The following PLA2G3 variants were observed in gnomAD, a reference collection of about 807,000 sequenced individuals.
PLA2G3 encodes the protein phospholipase A2 group III.
A neutral mutation model predicts 51.3 loss-of-function variants in PLA2G3; 39 were observed. The observed-to-expected ratio is 0.76, with a 90% CI of 0.59 to 0.99. The LOEUF (loss-of-function observed/expected upper bound fraction) is 0.99, where lower values mean the gene tolerates loss of function less well. Ranked by LOEUF, PLA2G3 falls within the 50% of genes least tolerant of loss-of-function variation. PLA2G3 has a pLI of 0.00. For synonymous variants in PLA2G3, 293 were observed against 263.1 expected (o/e 1.11, Z -1.10); for missense variants, 677 against 662.1 (o/e 1.02, Z -0.25).
rs906094593 is a variant in PLA2G3 at position 31,140,367 on chromosome 22, C to T, written c.-13G>A. ...CCTGAACCCCCATTCTGCACTGGCCCAGTCCAGTCAGACAAAGCCCCTGGG... is the reference window on the plus strand; with the variant it reads ...CCTGAACCCCCATTCTGCACTGGCCTAGTCCAGTCAGACAAAGCCCCTGGG... On this transcript the variant is annotated 5_prime_UTR_variant, in exon 1 of 7. Transcript: ENST00000215885. 10 of 1,557,228 alleles carry T rather than the reference C, an allele frequency of 6.4e-6. No homozygotes were observed. Among genetic ancestry groups the T allele is most frequent in the African/African-American group, 1.4e-5 (1 of 73,554 alleles).
In PLA2G3 at chr22:31,135,775, A is replaced by G. The variant is rs1179394391; in HGVS notation, c.1478T>C (p.Leu493Pro). 5 of 1,613,902 alleles carry G rather than the reference A, an allele frequency of 3.1e-6. No homozygotes were observed. The highest frequency in any genetic ancestry group is 3.4e-6 in the Non-Finnish European group (4 of 1,180,006). ...PMSFYNQCLQ[L>P]TQAARRPDRQ... ...GTCGGGTCTCCTGGCTGCCTGGGTT[A>G]GCTGCAGGCACTGGTTGTAGAATGA... The change falls in exon 7 of 7, where the codon CTA (leucine) becomes CCA (proline). Residue 493 changes from leucine to proline, a missense_variant. Physicochemically the swap from Leu to Pro is moderately conservative, Grantham distance 98. Coordinates refer to ENST00000215885, the MANE Select transcript of PLA2G3 (RefSeq NM_015715.5).
rs760555238 is a variant in PLA2G3, at chr22:31,135,801, C to A, written c.1452G>T (p.Met484Ile). The part of the protein sequence containing the change: ...PWPSEPLRGP[M>I]SFYNQCLQLT... ...GCTGCAGGCACTGGTTGTAGAATGA[C>A]ATGGGGCCTCTCAGGGGCTCTGAAG... Residue 484 changes from methionine (M) to isoleucine (I), a missense_variant, in exon 7 of 7, where the codon ATG becomes ATT. By Grantham distance (10) the Met-to-Ile change is conservative. Coordinates refer to ENST00000215885, the MANE Select transcript of PLA2G3 (RefSeq NM_015715.5). The A allele has an allele frequency of 6.2e-7, 1 of 1,613,940 alleles. No homozygotes were observed. The highest frequency in any genetic ancestry group is 1.3e-5 in the African/African-American group (1 of 74,962).
rs746415508 is a variant in PLA2G3 at position 31,137,593 on chromosome 22, T to C, written c.1066+117A>G. ...CTGCAGTGTGATTTCATGGGAGAGG[T>C]TGGGAAATCCCAGGAGGAAACTGGT... On this transcript the variant is annotated intron_variant, in intron 4 of 6. Transcript: ENST00000215885. 6 of 940,254 alleles carry C rather than the reference T, an allele frequency of 6.4e-6. No homozygotes were observed. In the East Asian group the frequency reaches 1.2e-4, roughly 19 times the overall value. The allele number at this position is 940,254 out of a possible 1,614,324, so 58.2% of individuals were successfully genotyped here.
At position 31,137,961 on chromosome 22, in the gene PLA2G3, C is replaced by A; in HGVS notation, c.815G>T (p.Arg272Leu). ...CRMYGTVPLA[R>L]LQPRTFYNAS... ...ATTGTAGAAGGTCCTGGGCTGCAGGCGAGCGAGGGGCACTGTGCCGTACAT... is the reference window on the plus strand; with the variant it reads ...ATTGTAGAAGGTCCTGGGCTGCAGGAGAGCGAGGGGCACTGTGCCGTACAT... The change falls in exon 4 of 7, where the codon CGC (arginine) becomes CTC (leucine). Residue 272 changes from arginine to leucine, a missense_variant. By Grantham distance (102) the Arg-to-Leu change is moderately radical. Coordinates refer to ENST00000215885, the MANE Select transcript of PLA2G3 (RefSeq NM_015715.5). 1 of 1,592,958 alleles carries A rather than the reference C, an allele frequency of 6.3e-7. No individual in the cohort carries two copies. The highest frequency in any genetic ancestry group is 8.5e-7 in the Non-Finnish European group (1 of 1,170,870).
intron 1 of PLA2G3, among the ~76,000 whole-genome samples, chr22:31,139,146 T>C (rs540837220): frequency 6.6e-6 from 1 of 152,180 alleles, no homozygotes; most frequent in Non-Finnish European, 1.5e-5. Context: ...GTGTGTATGA[T>C]GGAATGGCAA....
chr22:31,137,618 T>C (rs1284366747), intron 4 of PLA2G3, 92 bp downstream of exon 4: 16 of 1,154,100 alleles, frequency 1.4e-5, no homozygotes, highest in Admixed American at 4.6e-5. Context: ...AGGAAACTGG[T>C]GCAGGAAAAG....
At chr22:31,137,221 C>T (rs1922628182) in intron 4 of PLA2G3, among the ~76,000 whole-genome samples, 181 bp from the exon 5 acceptor site, 1 of 152,214 alleles carries the variant, frequency 6.6e-6, no homozygotes, top group South Asian at 2.1e-4. Context: ...GCCTCCCTAC[C>T]CCCAAGCCGC....
In PLA2G3 at chr22:31,135,953, G is replaced by A. The variant is rs779159207; in HGVS notation, c.1317-17C>T. On this transcript the variant is annotated splice_polypyrimidine_tract_variant and intron_variant, in intron 6 of 6. Transcript: ENST00000215885. ...CTGGAACAGCTGTAAGGAGAGAAGA[G>A]TGGGGCAGATGATCAGGGCTGACAA... is the stretch of plus-strand genomic sequence containing the variant. The A allele has an allele frequency of 1.9e-6, 3 of 1,601,498 alleles. No individual in the cohort carries two copies. Among genetic ancestry groups the A allele is most frequent in the Admixed American group, 3.3e-5 (2 of 59,984 alleles).
Position 31,135,946 on chromosome 22 carries a change from G to A in PLA2G3, c.1317-10C>T, listed in dbSNP as rs754376466. The stretch of plus-strand genomic sequence containing the variant: ...AGGGTCTCTGGAACAGCTGTAAGGA[G>A]AGAAGAGTGGGGCAGATGATCAGGG... On this transcript the variant is annotated splice_polypyrimidine_tract_variant and intron_variant, in intron 6 of 6. Coordinates refer to ENST00000215885, the MANE Select transcript of PLA2G3 (RefSeq NM_015715.5). 3.7e-6 allele frequency: 6 copies of A among 1,607,268 alleles called. No individual in the cohort carries two copies. The Admixed American group carries it at 1.0e-4, about 27-fold the overall frequency.
At position 31,138,805 on chromosome 22, in the gene PLA2G3, G is replaced by C. The variant is rs1407278030; in HGVS notation, c.515-6C>G. ...ATCAGGTCCCTGGAAGACCCCTGCA[G>C]GGAGGGGAGGGGAGAGGGCACCAAC... is the stretch of plus-strand genomic sequence containing the variant. On this transcript the variant is annotated splice_region_variant and splice_polypyrimidine_tract_variant and intron_variant, in intron 1 of 6. Coordinates refer to ENST00000215885, the MANE Select transcript of PLA2G3 (RefSeq NM_015715.5). The C allele has an allele frequency of 1.2e-6, 2 of 1,613,598 alleles. No individual in the cohort carries two copies. The highest frequency in any genetic ancestry group is 2.2e-5 in the South Asian group (2 of 91,050).
chr22:31,137,177 C>T (rs139169625), intron 4 of PLA2G3, 137 bp from the exon 5 acceptor site: 5 of 956,378 alleles, frequency 5.2e-6, no homozygotes, highest in Non-Finnish European at 6.0e-6. Context: ...CCTTCTGAGT[C>T]TTTGTGCCCT....
At chr22:31,136,844 C>A in intron 5 of PLA2G3, 45 bp from the exon 6 acceptor site, 1 of 1,601,020 alleles carries the variant, frequency 6.2e-7, no homozygotes, top group Non-Finnish European at 8.5e-7. Context: ...CCTTGCCAGC[C>A]AGGGGCCCCT....
chr22:31,137,835 T>A lies in PLA2G3; in HGVS notation c.941A>T (p.His314Leu). ...QKQHLRKGPP[H>L]QKGSKRPSKA... ...GCTGGGGCGCTTGGACCCTTTCTGATGTGGTGGCCCCTTCCGAAGGTGCTG... is the reference window on the plus strand; with the variant it reads ...GCTGGGGCGCTTGGACCCTTTCTGAAGTGGTGGCCCCTTCCGAAGGTGCTG... Residue 314 changes from histidine (H) to leucine (L), a missense_variant, in exon 4 of 7, where the codon CAT becomes CTT. By Grantham distance (99) the His-to-Leu change is moderately conservative. Transcript: ENST00000215885. The A allele has an allele frequency of 2.5e-6, 4 of 1,614,024 alleles. No homozygotes were observed. The highest frequency in any genetic ancestry group is 3.4e-6 in the Non-Finnish European group (4 of 1,179,998).
chr22:31,137,961 C>T lies in PLA2G3; in HGVS notation c.815G>A (p.Arg272His), dbSNP rs140520368. Residue 272 changes from arginine to histidine, a missense_variant, in exon 4 of 7, where the codon CGC becomes CAC. Coordinates refer to ENST00000215885, the MANE Select transcript of PLA2G3 (RefSeq NM_015715.5). ...ATTGTAGAAGGTCCTGGGCTGCAGG[C>T]GAGCGAGGGGCACTGTGCCGTACAT... ...CRMYGTVPLA[R>H]LQPRTFYNAS... 1.1e-4 allele frequency: 170 copies of T among 1,592,964 alleles called. No homozygotes were observed. In the African/African-American group the frequency reaches 2.0e-3, roughly 19 times the overall value.
chr22:31,139,910 T>C lies in PLA2G3; in HGVS notation c.445A>G (p.Arg149Gly), dbSNP rs1568949511. The C allele has an allele frequency of 6.2e-7, 1 of 1,613,596 alleles. No homozygotes were observed. The highest frequency in any genetic ancestry group is 2.2e-5 in the East Asian group (1 of 44,830). ...VPGGGHQREK[R>G]GWTMPGTLWC... is the part of the protein sequence containing the mutation. ...AGTGTGCCAGGCATGGTCCATCCTC[T>C]CTTCTCTCGCTGGTGCCCTCCACCA... Residue 149 changes from arginine (R) to glycine (G), a missense_variant, in exon 1 of 7, where the codon AGA becomes GGA. Physicochemically the swap from Arg to Gly is moderately radical, Grantham distance 125 (BLOSUM62 -2). Transcript: ENST00000215885.
rs757366182 is a variant in PLA2G3 at position 31,139,825 on chromosome 22, A to C, written c.514+16T>G. 6.3e-7 allele frequency: 1 copy of C among 1,592,752 alleles called. No individual in the cohort carries two copies. Among genetic ancestry groups the C allele is most frequent in the Non-Finnish European group, 8.6e-7 (1 of 1,163,944 alleles). On this transcript the variant is annotated intron_variant, in intron 1 of 6. Coordinates refer to ENST00000215885, the MANE Select transcript of PLA2G3 (RefSeq NM_015715.5). ...CCCGATCGGACCCCCCAGCCCACAC[A>C]CCCCTCATGGCTCACCCAGCTCCGA...
At position 31,137,839 on chromosome 22, in the gene PLA2G3, G is replaced by T. The variant is rs1258761830; in HGVS notation, c.937C>A (p.Pro313Thr). 1 of 1,614,144 alleles carries T rather than the reference G, an allele frequency of 6.2e-7. No individual in the cohort carries two copies. Among genetic ancestry groups the T allele is most frequent in the Non-Finnish European group, 8.5e-7 (1 of 1,180,020 alleles). Residue 313 changes from proline (P) to threonine (T), a missense_variant, in exon 4 of 7, where the codon CCA becomes ACA. Transcript: ENST00000215885. ...RQKQHLRKGP[P>T]HQKGSKRPSK... ...GGGCGCTTGGACCCTTTCTGATGTG[G>T]TGGCCCCTTCCGAAGGTGCTGCTTC...
Position 31,139,923 on chromosome 22 carries a change from G to T in PLA2G3, c.432C>A (p.His144Gln). ...TGGTCCATCCTCTCTTCTCTCGCTG[G>T]TGCCCTCCACCAGGGACTCCACTCT... ...AGQSGVPGGG[H>Q]QREKRGWTMP... is the part of the protein sequence containing the mutation. Residue 144 changes from histidine to glutamine, a missense_variant, in exon 1 of 7, where the codon CAC (histidine) becomes CAA (glutamine). Coordinates refer to ENST00000215885, the MANE Select transcript of PLA2G3 (RefSeq NM_015715.5). The T allele has an allele frequency of 6.2e-7, 1 of 1,613,862 alleles. No homozygotes were observed. Among genetic ancestry groups the T allele is most frequent in the Non-Finnish European group, 8.5e-7 (1 of 1,179,970 alleles).
At chr22:31,137,072 C>T (rs1922618918) in intron 4 of PLA2G3, 32 bp from the exon 5 acceptor site, 1 of 1,485,682 alleles carries the variant, frequency 6.7e-7, no homozygotes, top group Non-Finnish European at 9.0e-7. Context: ...GATGGGAGCC[C>T]AATCCACCAG....
Sources: gnomAD v4.1 joint callset for allele counts (sites outside exome capture counted in the v4.1 genomes callset) on GRCh38, gnomAD v4.1.1 for gene constraint, MANE v1.5 for transcripts, NCBI Gene and HGNC (gene_info 2026-07-23, HGNC 2026-07-21) for gene names.